NIBAN3: variants seen among roughly 807,000 people sequenced by gnomAD.
The protein encoded by NIBAN3 is protein Niban 3.
A neutral mutation model predicts 76.4 loss-of-function variants in NIBAN3; 66 were observed. That is an observed-to-expected ratio of 0.86 (90% CI 0.71 to 1.06). The LOEUF (loss-of-function observed/expected upper bound fraction) is 1.06. Ranked by LOEUF, NIBAN3 falls within the 50% of genes least tolerant of loss-of-function variation. NIBAN3 has a pLI of 0.00. For missense variants in NIBAN3, 808 were observed against 810.7 expected, an observed-to-expected ratio of 1.00 and a Z score of 0.04; for synonymous variants, 360 against 355.2, an observed-to-expected ratio of 1.01 and a Z score of -0.15.
rs2075962107 is a variant in NIBAN3 at position 17,542,027 on chromosome 19, G to A, written c.1171-109G>A. ...AGTTTCTTTGGTGACAGCTGAGACG[G>A]GATGTATTTTCATTTGTGTTTCTCC... is the stretch of plus-strand genomic sequence containing the variant. On this transcript the variant is annotated intron_variant, in intron 9 of 14. Coordinates refer to ENST00000599164, the MANE Select transcript of NIBAN3 (RefSeq NM_001321827.2). The surrounding 1 kb of genome is among the most constrained non-coding windows in gnomAD (Gnocchi z 4.8). 1 of 1,321,154 alleles carries A rather than the reference G, an allele frequency of 7.6e-7. No homozygotes were observed. The highest frequency in any genetic ancestry group is 1.8e-5 in the Admixed American group (1 of 56,704). 81.8% of individuals were successfully genotyped at this position (1,321,154 alleles called of 1,614,324 possible).
At chr19:17,543,454 G>A in intron 11 of NIBAN3, 21 bp downstream of exon 11, 2 of 1,609,228 alleles carry the variant, frequency 1.2e-6, no homozygotes, top group Non-Finnish European at 1.7e-6. Flanking sequence ...TGGGTACGGG[G>A]TGGCATGGGG....
At chr19:17,551,360 G>T (rs2144792692) in intron 14 of NIBAN3, among the ~76,000 whole-genome samples, 1 of 151,886 alleles carries the variant, frequency 6.6e-6, no homozygotes, top group South Asian at 2.1e-4. Flanking sequence ...CTCCCAAAGT[G>T]CTGGGATTAC....
chr19:17,553,123 T>TG lies in NIBAN3; in HGVS notation c.*1225_*1226insG. 7 of 314,106 alleles carry TG rather than the reference T, an allele frequency of 2.2e-5. No individual in the cohort carries two copies. Among genetic ancestry groups the TG allele is most frequent in the South Asian group, 6.6e-5 (1 of 15,140 alleles). 19.5% of individuals were successfully genotyped at this position (314,106 alleles called of 1,614,324 possible). ...TGATTAGCCATTTACATGTTTGTAG[T>TG]TTTTTTTTTTTTAATTTCAGTGAAT... On this transcript the variant is annotated 3_prime_UTR_variant, in exon 15 of 15. Coordinates refer to ENST00000599164, the MANE Select transcript of NIBAN3 (RefSeq NM_001321827.2).
intron 4 of NIBAN3, among the ~76,000 whole-genome samples, chr19:17,534,070 T>C (rs975508832): frequency 6.6e-6 from 1 of 152,046 alleles, no homozygotes; most frequent in African/African-American, 2.4e-5. Context: ...GGGTGCACTG[T>C]CTCATGCCTG....
intron 9 of NIBAN3, among the ~76,000 whole-genome samples, chr19:17,541,751 G>A (rs904606431): frequency 6.6e-6 from 1 of 151,718 alleles, no homozygotes; most frequent in African/African-American, 2.4e-5. Flanking sequence ...GTGCAGTGGT[G>A]CGATCTTGGC....
At position 17,539,282 on chromosome 19, in the gene NIBAN3, G is replaced by T; in HGVS notation, c.711+17G>T. On this transcript the variant is annotated intron_variant, in intron 6 of 14. Transcript: ENST00000599164. ...GACGCCGAGGTTAGTGCCCCGCGAG[G>T]CCGCACCCGGGACCCCCAGGACCCT... 1 of 1,579,892 alleles carries T rather than the reference G, an allele frequency of 6.3e-7. No individual in the cohort carries two copies. The highest frequency in any genetic ancestry group is 1.8e-5 in the Admixed American group (1 of 55,090).
intron 12 of NIBAN3, chr19:17,545,405 A>G (rs1437144188): frequency 1.1e-5 from 2 of 177,010 alleles, no homozygotes; most frequent in East Asian, 1.4e-4. Flanking sequence ...TGCAGAGACA[A>G]GAGAGTGTAG....
At chr19:17,532,876 G>A (rs2075755431) in intron 3 of NIBAN3, among the ~76,000 whole-genome samples, 1 of 151,966 alleles carries the variant, frequency 6.6e-6, no homozygotes, top group South Asian at 2.1e-4. Context: ...GGGAGGGAAA[G>A]GGGAAAGGGA....
chr19:17,546,439 A>G (rs1599753929), intron 12 of NIBAN3: 1 of 486,838 alleles, frequency 2.1e-6, no homozygotes, highest in African/African-American at 2.1e-5. Context: ...CTGGTCTTGA[A>G]CTCCTGACCT....
chr19:17,543,576 G>T lies in NIBAN3; in HGVS notation c.1499G>T (p.Gly500Val), dbSNP rs1433369275. ...CAGAGGAGGTTCATCCGAGGCTGGGGTCTCTGCATCTTTTTACCTTTTGTG... is the reference window on the plus strand; with the variant it reads ...CAGAGGAGGTTCATCCGAGGCTGGGTTCTCTGCATCTTTTTACCTTTTGTG... ...LAQRRFIRGW[G>V]LCIFLPFVLS... Residue 500 changes from glycine to valine, a missense_variant, in exon 12 of 15, where the codon GGT (glycine) becomes GTT (valine). Gly to Val is a moderately radical substitution (Grantham distance 109). Coordinates refer to ENST00000599164, the MANE Select transcript of NIBAN3 (RefSeq NM_001321827.2). 2 of 1,614,030 alleles carry T rather than the reference G, an allele frequency of 1.2e-6. No homozygotes were observed. Among genetic ancestry groups the T allele is most frequent in the African/African-American group, 2.7e-5 (2 of 74,924 alleles).
intron 1 of NIBAN3, among the ~76,000 whole-genome samples, chr19:17,527,942 C>T (rs567187127): frequency 6.6e-6 from 1 of 152,262 alleles, no homozygotes; most frequent in East Asian, 1.9e-4. Flanking sequence ...GATCCTCCCA[C>T]ATCAACCTCC....
Position 17,546,674 on chromosome 19 carries a change from C to A in NIBAN3, c.1555-12C>A. The A allele has an allele frequency of 6.5e-7, 1 of 1,542,022 alleles. No homozygotes were observed. The highest frequency in any genetic ancestry group is 8.7e-7 in the Non-Finnish European group (1 of 1,143,548). On this transcript the variant is annotated splice_polypyrimidine_tract_variant and intron_variant, in intron 12 of 14. Coordinates refer to ENST00000599164, the MANE Select transcript of NIBAN3 (RefSeq NM_001321827.2). ...CCTCTCCATCCGAGCCCCTAACCCG[C>A]CATGGTTCCAGGAGCTGCCTGAGTT...
At chr19:17,525,363 A>G (rs1234847098), upstream of NIBAN3, among the ~76,000 whole-genome samples, 2 of 151,644 alleles carry the variant, frequency 1.3e-5, no homozygotes, top group African/African-American at 4.9e-5. Context: ...TCATTCATTC[A>G]TTCATGCACA....
chr19:17,533,551 C>T, intron 3 of NIBAN3, 36 bp from the exon 4 acceptor site: 1 of 1,454,032 alleles, frequency 6.9e-7, no homozygotes. Context: ...ACAGTTCAGA[C>T]CTGTCCCAGG....
chr19:17,550,843 C>CTTT (rs10690901), intron 14 of NIBAN3, among the ~76,000 whole-genome samples: 1,991 of 91,516 alleles, frequency 0.022, 200 homozygotes, highest in Admixed American at 0.046. Context: ...CTTGTACATA[C>CTTT]TTTTTTTTTT....
chr19:17,540,974 G>A lies in NIBAN3; in HGVS notation c.1170+392G>A, dbSNP rs558211891. On this transcript the variant is annotated intron_variant, in intron 9 of 14. Transcript: ENST00000599164. The stretch of plus-strand genomic sequence containing the variant: ...TGGTCTCAAACTCCTGGGCTCAAGC[G>A]ATCTGCCTGCATTGGCCTCCCAAAG... Among the ~76,000 whole-genome samples, 7 of 152,240 alleles carry A rather than the reference G, an allele frequency of 4.6e-5. No homozygotes were observed. The East Asian group carries it at 5.8e-4, about 13-fold the overall frequency.
At chr19:17,536,341 C>A (rs139491022) in intron 4 of NIBAN3, among the ~76,000 whole-genome samples, 9 of 151,576 alleles carry the variant, frequency 5.9e-5, no homozygotes, top group Non-Finnish European at 1.3e-4. Flanking sequence ...TAGGCACCTG[C>A]CACCACACCC....
chr19:17,527,613 C>T (rs1209735258), intron 1 of NIBAN3, among the ~76,000 whole-genome samples: 2 of 152,108 alleles, frequency 1.3e-5, no homozygotes, highest in Non-Finnish European at 2.9e-5. Flanking sequence ...GTGGTATGAT[C>T]GTGGCTCACT....
chr19:17,546,667 T>A lies in NIBAN3; in HGVS notation c.1555-19T>A. The A allele has an allele frequency of 6.6e-7, 1 of 1,517,562 alleles. No homozygotes were observed. 94.0% of individuals were successfully genotyped at this position (1,517,562 alleles called of 1,614,324 possible). ...GGGCCCTCCTCTCCATCCGAGCCCC[T>A]AACCCGCCATGGTTCCAGGAGCTGC... On this transcript the variant is annotated intron_variant, in intron 12 of 14. Transcript: ENST00000599164.
Sources: gnomAD v4.1 joint callset for allele counts (sites outside exome capture counted in the v4.1 genomes callset) on GRCh38, gnomAD v4.1.1 for gene constraint, Gnocchi (gnomAD v3.1) non-coding constraint, MANE v1.5 for transcripts, NCBI Gene and HGNC (gene_info 2026-07-23, HGNC 2026-07-21) for gene names.